RBM33: variants seen among roughly 807,000 people sequenced by gnomAD.
RBM33 encodes the protein RNA binding motif protein 33.
Under a neutral mutation model 132.6 loss-of-function variants are expected in RBM33, and 28 were observed. The ratio of observed to expected loss-of-function variants is 0.21; its 90% CI spans 0.16 to 0.29. RBM33 has a LOEUF of 0.29. Ranked by LOEUF, RBM33 falls within the 10% of genes least tolerant of loss-of-function variation. The pLI is 1.00. For missense variants in RBM33, 1,291 were observed against 1,518.5 expected (o/e 0.85, Z 2.49); for synonymous variants, 634 against 593.0 (o/e 1.07, Z -1.01).
intron 12 of RBM33, 93 bp from the exon 13 acceptor site, chr7:155,741,726 G>C: frequency 8.3e-7 from 1 of 1,201,606 alleles, no homozygotes; most frequent in South Asian, 1.5e-5. Flanking sequence ...TAATTAGAAT[G>C]ATTTATTGTG....
intron 6 of RBM33, among the ~76,000 whole-genome samples, chr7:155,705,573 A>G (rs1262325638): frequency 1.3e-5 from 2 of 152,152 alleles, no homozygotes; most frequent in African/African-American, 4.8e-5. Flanking sequence ...TAGAAGGTAG[A>G]CTCTGGTAAT....
chr7:155,671,056 T>C (rs1413528533), intron 2 of RBM33, among the ~76,000 whole-genome samples: 1 of 152,192 alleles, frequency 6.6e-6, no homozygotes, highest in Non-Finnish European at 1.5e-5. Flanking sequence ...TTTTAGTTAC[T>C]TAAGGTGATG....
chr7:155,733,237 C>A (rs753869026), intron 9 of RBM33, among the ~76,000 whole-genome samples: 2 of 152,104 alleles, frequency 1.3e-5, no homozygotes, highest in African/African-American at 2.4e-5. Context: ...CTTGGGGGTA[C>A]ACTACCATTT....
At chr7:155,659,668 G>T (rs557972311) in intron 1 of RBM33, among the ~76,000 whole-genome samples, 2 of 152,212 alleles carry the variant, frequency 1.3e-5, no homozygotes, top group South Asian at 4.1e-4. Context: ...AAAAAAATCT[G>T]AGGAAATAAT....
intron 13 of RBM33, among the ~76,000 whole-genome samples, chr7:155,744,073 G>T (rs943856723): frequency 7.9e-5 from 12 of 152,130 alleles, no homozygotes; most frequent in African/African-American, 2.9e-4. Flanking sequence ...AAGCTCCAGG[G>T]CACCAGCCGA....
chr7:155,697,861 A>C (rs1042622500), intron 5 of RBM33, among the ~76,000 whole-genome samples: 2 of 152,242 alleles, frequency 1.3e-5, no homozygotes, highest in Non-Finnish European at 2.9e-5. Flanking sequence ...AAGGATTAAA[A>C]ATAAATCTTT....
intron 13 of RBM33, 120 bp downstream of exon 13, chr7:155,742,226 G>C: frequency 1.1e-6 from 1 of 920,502 alleles, no homozygotes; most frequent in South Asian, 2.2e-5. Flanking sequence ...TTTTCACCTG[G>C]GTCTTTTTTT....
chr7:155,725,586 C>CTA (rs577824872), intron 9 of RBM33, among the ~76,000 whole-genome samples: 364 of 152,210 alleles, frequency 2.4e-3, no homozygotes, highest in African/African-American at 8.5e-3. Context: ...AGGAAGTTTG[C>CTA]TATAGCAGGG....
chr7:155,711,111 C>A, intron 7 of RBM33, 92 bp from the exon 8 acceptor site: 1 of 1,409,250 alleles, frequency 7.1e-7, no homozygotes. Context: ...ATTTGTAACA[C>A]ATCAGCATTC....
At chr7:155,650,058 CTCT>C (rs1039042160) in intron 1 of RBM33, among the ~76,000 whole-genome samples, 1 of 152,244 alleles carries the variant, frequency 6.6e-6, no homozygotes, top group African/African-American at 2.4e-5. Context: ...CCTCCTCAGC[CTCT>C]TCTTTCCCAG....
intron 5 of RBM33, among the ~76,000 whole-genome samples, chr7:155,686,470 A>G (rs1460393435): frequency 6.6e-6 from 1 of 150,486 alleles, no homozygotes; most frequent in Non-Finnish European, 1.5e-5. Flanking sequence ...TGTTCGTGGT[A>G]TTTTTTTTCT....
intron 5 of RBM33, among the ~76,000 whole-genome samples, chr7:155,700,014 A>G (rs923252628): frequency 2.6e-5 from 4 of 152,220 alleles, no homozygotes; most frequent in South Asian, 2.1e-4. Flanking sequence ...TGATTCTTTC[A>G]CTAGGAACAT....
intron 14 of RBM33, among the ~76,000 whole-genome samples, chr7:155,750,593 A>G (rs1263244916): frequency 6.6e-6 from 1 of 152,174 alleles, no homozygotes; most frequent in Non-Finnish European, 1.5e-5. Context: ...CATCAGTACA[A>G]TGAGAACCAA....
chr7:155,766,486 G>A lies in RBM33; in HGVS notation c.3206G>A (p.Gly1069Asp). 6.2e-7 allele frequency: 1 copy of A among 1,613,528 alleles called. No homozygotes were observed. The highest frequency in any genetic ancestry group is 8.5e-7 in the Non-Finnish European group (1 of 1,179,814). ...CACCAGGCCATCATGCACGGACGAGGCAGAGGAGTGGCCGGTCCCATGGGC... is the reference window on the plus strand; with the variant it reads ...CACCAGGCCATCATGCACGGACGAGACAGAGGAGTGGCCGGTCCCATGGGC... ...PAKKAIMHGR[G>D]RGVAGPMGRG... The change falls in exon 16 of 18, where the codon GGC becomes GAC. Residue 1069 changes from glycine to aspartate, a missense_variant. Coordinates refer to ENST00000401878, the MANE Select transcript of RBM33 (RefSeq NM_053043.3).
rs116606065 is a variant in RBM33 at position 155,740,967 on chromosome 7, C to G, written c.2050-852C>G. 7.3e-3 allele frequency among the ~76,000 whole-genome samples: 1,105 copies of G among 152,298 alleles called. 18 individuals are homozygous for G. The highest frequency in any genetic ancestry group is 0.025 in the African/African-American group (1,054 of 41,554). On this transcript the variant is annotated intron_variant, in intron 12 of 17. Coordinates refer to ENST00000401878, the MANE Select transcript of RBM33 (RefSeq NM_053043.3). ...CCTGTCAGTTTTCTTTTGGTATTGT[C>G]TTCTTTTCACCCTTGAGCTTCAGTC...
intron 1 of RBM33, among the ~76,000 whole-genome samples, chr7:155,656,363 C>CTT: frequency 1.1e-5 from 1 of 92,840 alleles, no homozygotes; most frequent in East Asian, 3.2e-4. Context: ...CACGCTTGGA[C>CTT]TTTAACATAA....
At chr7:155,717,970 C>T (rs376311221) in intron 8 of RBM33, among the ~76,000 whole-genome samples, 1 of 152,278 alleles carries the variant, frequency 6.6e-6, no homozygotes, top group African/African-American at 2.4e-5. Flanking sequence ...TCCCTTCTCT[C>T]TTTCATGATT....
chr7:155,661,146 A>ATATATATATATTTTTT (rs1421586760), intron 1 of RBM33, among the ~76,000 whole-genome samples: 10 of 81,188 alleles, frequency 1.2e-4, no homozygotes, highest in Non-Finnish European at 1.8e-4. Flanking sequence ...ATATATATAT[A>ATATATATATATTTTTT]TTTTTTTTTT....
At position 155,780,538 on chromosome 7, in the gene RBM33, C is replaced by G. The variant is rs1241167456; in HGVS notation, c.*5497C>G. Reference sequence around the variant, plus strand: ...CATGCTCTGGGCTCTCCCTCTCTGTCCATTTCTGTTTTGCTTTCCTGGCTA... The same window carrying G: ...CATGCTCTGGGCTCTCCCTCTCTGTGCATTTCTGTTTTGCTTTCCTGGCTA... On this transcript the variant is annotated 3_prime_UTR_variant, in exon 18 of 18. Transcript: ENST00000401878. 6.6e-6 allele frequency: 1 copy of G among 152,428 alleles called. No homozygotes were observed. Among genetic ancestry groups the G allele is most frequent in the Non-Finnish European group, 1.5e-5 (1 of 68,194 alleles). The allele number at this position is 152,428 out of a possible 1,614,324, so 9.4% of individuals were successfully genotyped here.
Sources: allele counts gnomAD v4.1 joint callset (sites outside exome capture counted in the v4.1 genomes callset), GRCh38; gene constraint gnomAD v4.1.1; transcripts MANE v1.5; gene names NCBI Gene and HGNC (gene_info 2026-07-23, HGNC 2026-07-21).